The following SLIT3 variants were observed in gnomAD, a reference collection of about 807,000 sequenced individuals.
SLIT3 encodes slit guidance ligand 3.
SLIT3 carries 68 observed loss-of-function variants against 184.0 expected under a neutral mutation model. The observed-to-expected ratio is 0.37, with a 90% CI of 0.30 to 0.45. The LOEUF is 0.45. Ranked by LOEUF, SLIT3 falls within the 20% of genes least tolerant of loss-of-function variation. SLIT3 has a pLI of 1.00. For synonymous variants in SLIT3, 831 were observed against 828.6 expected, an observed-to-expected ratio of 1.00 and a Z score of -0.05; for missense variants, 1,707 against 2,026.0, an observed-to-expected ratio of 0.84 and a Z score of 3.02.
intron 11 of SLIT3, 87 bp downstream of exon 11, chr5:168,789,473 A>G (rs1756275998): frequency 5.0e-6 from 5 of 995,022 alleles, no homozygotes; most frequent in Non-Finnish European, 7.7e-6. Flanking sequence ...GTCTTGATAA[A>G]CACCTCCTGA....
At chr5:168,705,737 C>A (rs1357062128) in intron 26 of SLIT3, among the ~76,000 whole-genome samples, 2 of 152,226 alleles carry the variant, frequency 1.3e-5, no homozygotes, top group African/African-American at 4.8e-5. Context: ...TTTGCTCTGA[C>A]ACTGACGGTC....
intron 4 of SLIT3, among the ~76,000 whole-genome samples, chr5:169,171,552 G>T (rs1762820793): frequency 6.6e-6 from 1 of 152,182 alleles, no homozygotes; most frequent in South Asian, 2.1e-4. Flanking sequence ...TCCCTAGATT[G>T]AAAGCCTCAG....
chr5:168,967,961 A>C (rs1763271696), intron 4 of SLIT3, among the ~76,000 whole-genome samples: 1 of 152,218 alleles, frequency 6.6e-6, no homozygotes, highest in Non-Finnish European at 1.5e-5. Flanking sequence ...TGCCTGCACC[A>C]GATTCTCTTC....
intron 5 of SLIT3, among the ~76,000 whole-genome samples, chr5:168,862,678 G>T (rs962159015): frequency 5.0e-5 from 7 of 141,258 alleles, no homozygotes; most frequent in Non-Finnish European, 9.1e-5. Flanking sequence ...TTTGTTTGTT[G>T]TTTTTTTTTT....
At chr5:169,152,695 C>G (rs1165102031) in intron 4 of SLIT3, among the ~76,000 whole-genome samples, 1 of 152,120 alleles carries the variant, frequency 6.6e-6, no homozygotes, top group African/African-American at 2.4e-5. Flanking sequence ...CCCAGTGTAT[C>G]CAATACCATC....
intron 2 of SLIT3, among the ~76,000 whole-genome samples, chr5:169,248,382 G>A (rs1173557602): frequency 6.6e-6 from 1 of 152,108 alleles, no homozygotes; most frequent in Non-Finnish European, 1.5e-5. Context: ...GGCAATCAGA[G>A]GCTCAACAAA....
intron 4 of SLIT3, among the ~76,000 whole-genome samples, chr5:169,135,524 C>A (rs1420666000): frequency 6.6e-6 from 1 of 151,940 alleles, no homozygotes; most frequent in Non-Finnish European, 1.5e-5. Context: ...CAGAAACTAG[C>A]AGGAACACAG....
At chr5:169,036,909 A>G (rs111941224) in intron 4 of SLIT3, among the ~76,000 whole-genome samples, 2,861 of 152,298 alleles carry the variant, frequency 0.019, 96 homozygotes, top group African/African-American at 0.064. Context: ...CACAAATGGC[A>G]AAGAGCTGTG....
intron 32 of SLIT3, among the ~76,000 whole-genome samples, chr5:168,677,276 T>TTTGG (rs1236163357): frequency 6.6e-6 from 1 of 152,166 alleles, no homozygotes; most frequent in South Asian, 2.1e-4. Context: ...ACATTGGTTT[T>TTTGG]TTGGTTGTTT....
intron 1 of SLIT3, among the ~76,000 whole-genome samples, chr5:169,289,686 C>T (rs1362271537): frequency 3.3e-5 from 5 of 152,174 alleles, no homozygotes; most frequent in African/African-American, 4.8e-5. Context: ...AAATTCAATA[C>T]TAAGGCTATG....
chr5:168,992,808 AT>A (rs1481715038), intron 4 of SLIT3, among the ~76,000 whole-genome samples: 1 of 152,188 alleles, frequency 6.6e-6, no homozygotes, highest in Non-Finnish European at 1.5e-5. Flanking sequence ...TGCCTCCAGG[AT>A]TACTGAACAT....
intron 2 of SLIT3, among the ~76,000 whole-genome samples, chr5:169,249,942 C>T (rs1277224518): frequency 1.3e-5 from 2 of 152,210 alleles, no homozygotes; most frequent in African/African-American, 4.8e-5. Flanking sequence ...TCCCCATGTC[C>T]CCACACATGT....
chr5:168,718,868 A>T (rs990170454), intron 23 of SLIT3, among the ~76,000 whole-genome samples: 32 of 152,110 alleles, frequency 2.1e-4, no homozygotes, highest in African/African-American at 7.7e-4. Context: ...AACACCCAAC[A>T]TCTCTGGGTC....
intron 4 of SLIT3, among the ~76,000 whole-genome samples, chr5:169,066,012 G>A (rs1292581741): frequency 6.6e-6 from 1 of 152,194 alleles, no homozygotes; most frequent in African/African-American, 2.4e-5. Context: ...GTTGACAGAT[G>A]AAGAAACTGA....
rs145091180 is a variant in SLIT3, at chr5:169,188,547, T to A, written c.413+4932A>T. Among the ~76,000 whole-genome samples, 924 of 152,098 alleles carry A rather than the reference T, an allele frequency of 6.1e-3. 8 individuals are homozygous for A. Among genetic ancestry groups the A allele is most frequent in the Middle Eastern group, 0.024 (7 of 294 alleles). On this transcript the variant is annotated intron_variant, in intron 4 of 35. Transcript: ENST00000519560. ...AGAAGAGCCAGCATGACGACTCAGG[T>A]CTTCCCACTCCAAGTGCAGTGTTCA... is the stretch of plus-strand genomic sequence containing the variant.
chr5:168,713,454 C>T (rs1357650843), intron 23 of SLIT3, among the ~76,000 whole-genome samples: 1 of 152,196 alleles, frequency 6.6e-6, no homozygotes, highest in Non-Finnish European at 1.5e-5. Flanking sequence ...AAGGATTAAT[C>T]ATCAACTGCA....
chr5:168,859,727 G>T (rs1009804085), intron 5 of SLIT3, among the ~76,000 whole-genome samples: 1 of 152,138 alleles, frequency 6.6e-6, no homozygotes, highest in African/African-American at 2.4e-5. Flanking sequence ...GACGGCATTT[G>T]CTATTTTATG....
At chr5:169,130,801 CAGTT>C (rs982446158) in intron 4 of SLIT3, among the ~76,000 whole-genome samples, 3 of 152,232 alleles carry the variant, frequency 2.0e-5, no homozygotes, top group Admixed American at 6.5e-5. Flanking sequence ...TACTACAAAG[CAGTT>C]AGTTAAACTA....
intron 4 of SLIT3, among the ~76,000 whole-genome samples, chr5:169,037,199 A>G: frequency 6.6e-6 from 1 of 152,258 alleles, no homozygotes; most frequent in East Asian, 1.9e-4. Context: ...GAGATACACA[A>G]GAGCATTAGT....
Sources: gnomAD v4.1 joint callset for allele counts (sites outside exome capture counted in the v4.1 genomes callset) on GRCh38, gnomAD v4.1.1 for gene constraint, MANE v1.5 for transcripts, NCBI Gene and HGNC (gene_info 2026-07-23, HGNC 2026-07-21) for gene names.